The following ACBD6 variants were observed in gnomAD, a reference collection of about 807,000 sequenced individuals.
The protein encoded by ACBD6 is acyl-CoA binding domain containing 6.
A neutral mutation model predicts 37.2 loss-of-function variants in ACBD6; 28 were observed. The ratio of observed to expected loss-of-function variants is 0.75; its 90% CI spans 0.56 to 1.03. The LOEUF (loss-of-function observed/expected upper bound fraction) is 1.03. Among genes scored for constraint, ACBD6 ranks in the 50% least tolerant of loss-of-function variants. The pLI, the probability that ACBD6 is intolerant of heterozygous loss-of-function variation, is 0.00. For missense variants in ACBD6, 340 were observed against 337.4 expected (o/e 1.01, Z -0.06); for synonymous variants, 113 against 126.8 (o/e 0.89, Z 0.73).
At chr1:180,398,594 A>G (rs1018281567) in intron 5 of ACBD6, among the ~76,000 whole-genome samples, 2 of 152,222 alleles carry the variant, frequency 1.3e-5, no homozygotes, top group East Asian at 1.9e-4. Flanking sequence ...AGTACTAAAT[A>G]TGAAATATTA....
chr1:180,417,114 T>A (rs1648129881), intron 4 of ACBD6, among the ~76,000 whole-genome samples: 1 of 152,146 alleles, frequency 6.6e-6, no homozygotes, highest in African/African-American at 2.4e-5. Context: ...AACTAAGGAA[T>A]TTGTGGGCTC....
At chr1:180,370,853 G>A (rs556570064) in intron 6 of ACBD6, among the ~76,000 whole-genome samples, 1 of 147,528 alleles carries the variant, frequency 6.8e-6, no homozygotes, top group South Asian at 2.1e-4. Context: ...TCAGAGAGGA[G>A]TTGTTTTATT....
chr1:180,500,132 T>TTAA (rs1553219832), intron 1 of ACBD6, among the ~76,000 whole-genome samples: 8 of 133,316 alleles, frequency 6.0e-5, no homozygotes, highest in African/African-American at 2.2e-4. Context: ...CTTTTTTAGT[T>TTAA]AAAAAAAAAA....
intron 6 of ACBD6, among the ~76,000 whole-genome samples, chr1:180,320,978 G>T (rs1432295843): frequency 1.3e-5 from 2 of 152,134 alleles, no homozygotes; most frequent in Non-Finnish European, 2.9e-5. Context: ...CATGGTGAGA[G>T]ACAGGGGTCT....
downstream of ACBD6, among the ~76,000 whole-genome samples, chr1:180,285,122 G>A (rs1446692231): frequency 6.6e-6 from 1 of 152,134 alleles, no homozygotes; most frequent in East Asian, 1.9e-4. Flanking sequence ...GATGACAAGA[G>A]CGAGACCCTG....
intron 6 of ACBD6, among the ~76,000 whole-genome samples, chr1:180,376,714 A>G (rs1335030736): frequency 1.3e-5 from 2 of 152,210 alleles, no homozygotes; most frequent in East Asian, 3.8e-4. Flanking sequence ...AGTGGGTGAA[A>G]AAGGACTGAA....
intron 7 of ACBD6, among the ~76,000 whole-genome samples, chr1:180,301,169 G>T (rs1386472868): frequency 6.6e-6 from 1 of 152,146 alleles, no homozygotes; most frequent in Non-Finnish European, 1.5e-5. Flanking sequence ...CTGTATATCT[G>T]CCTAGGTTTA....
intron 11 of ACBD6, chr1:180,273,720 G>A (rs1397099969): frequency 5.1e-6 from 1 of 194,962 alleles, no homozygotes; most frequent in Non-Finnish European, 1.1e-5. Flanking sequence ...AGATGTCTAA[G>A]AGTGGTCCTC....
At chr1:180,350,118 T>C (rs1458721438) in intron 6 of ACBD6, among the ~76,000 whole-genome samples, 1 of 150,218 alleles carries the variant, frequency 6.7e-6, no homozygotes, top group African/African-American at 2.5e-5. Flanking sequence ...CTCGATCTCC[T>C]GGGCTCAAGC....
chr1:180,395,038 G>A (rs1309987150), intron 6 of ACBD6, among the ~76,000 whole-genome samples: 2 of 152,122 alleles, frequency 1.3e-5, no homozygotes, highest in South Asian at 4.1e-4. Context: ...CAAACAGGCA[G>A]AGAACAAAAA....
intron 5 of ACBD6, among the ~76,000 whole-genome samples, chr1:180,407,603 C>T: frequency 6.6e-6 from 1 of 152,152 alleles, no homozygotes. Flanking sequence ...AACTGCTTAT[C>T]CTTCTTTTTC....
At chr1:180,318,079 T>C (rs373658636) in intron 6 of ACBD6, among the ~76,000 whole-genome samples, 4 of 150,030 alleles carry the variant, frequency 2.7e-5, no homozygotes, top group African/African-American at 9.8e-5. Flanking sequence ...TCGGGATTGC[T>C]TGAACCCAGG....
chr1:180,418,220 G>C (rs750946776), intron 4 of ACBD6, among the ~76,000 whole-genome samples: 6 of 151,976 alleles, frequency 3.9e-5, no homozygotes, highest in Non-Finnish European at 7.4e-5. Flanking sequence ...TTTACTTACA[G>C]ATGTTTTTCT....
chr1:180,458,992 T>C (rs1475919303), intron 3 of ACBD6, among the ~76,000 whole-genome samples: 1 of 152,138 alleles, frequency 6.6e-6, no homozygotes, highest in Non-Finnish European at 1.5e-5. Context: ...TAGAAAGTTT[T>C]ATTAGAAGTT....
intron 6 of ACBD6, among the ~76,000 whole-genome samples, chr1:180,355,087 G>C (rs1178098942): frequency 6.6e-6 from 1 of 152,168 alleles, no homozygotes; most frequent in Non-Finnish European, 1.5e-5. Context: ...TGATGGTAGT[G>C]GCTAATGCTG....
intron 6 of ACBD6, among the ~76,000 whole-genome samples, chr1:180,348,079 T>C (rs1039555269): frequency 2.6e-5 from 4 of 152,308 alleles, no homozygotes; most frequent in Non-Finnish European, 4.4e-5. Context: ...AGCATAAATA[T>C]TTGCAGTGCC....
exon 14 of ACBD6, chr1:180,270,845 G>C: frequency 5.2e-6 from 1 of 192,218 alleles, no homozygotes; most frequent in East Asian, 1.3e-4. Flanking sequence ...CTATAGTTTA[G>C]AAACCTGCTT....
intron 3 of ACBD6, among the ~76,000 whole-genome samples, chr1:180,465,564 G>T (rs922622629): frequency 6.6e-6 from 1 of 152,166 alleles, no homozygotes; most frequent in African/African-American, 2.4e-5. Context: ...CTGTTGGTGG[G>T]AGTGTAAATT....
chr1:180,300,934 C>A (rs1281621474), intron 7 of ACBD6, among the ~76,000 whole-genome samples: 1 of 152,144 alleles, frequency 6.6e-6, no homozygotes, highest in Non-Finnish European at 1.5e-5. Context: ...CTTAAAAAGA[C>A]AGCAGGACTG....
Sources: allele counts gnomAD v4.1 joint callset (sites outside exome capture counted in the v4.1 genomes callset), GRCh38; gene constraint gnomAD v4.1.1; transcripts MANE v1.5; gene names NCBI Gene and HGNC (gene_info 2026-07-23, HGNC 2026-07-21).